Variants in ANO3 observed in about 807,000 individuals in gnomAD.
ANO3 encodes anoctamin-3.
A neutral mutation model predicts 144.8 loss-of-function variants in ANO3; 99 were observed. That is an observed-to-expected ratio of 0.68 (90% CI 0.58 to 0.81). The LOEUF (loss-of-function observed/expected upper bound fraction) is 0.81. ANO3 is among the 30% of genes least tolerant of loss of function. The pLI is 0.00. For missense variants in ANO3, 905 were observed against 1,202.2 expected, an observed-to-expected ratio of 0.75 and a Z score of 3.66; for synonymous variants, 414 against 392.6, an observed-to-expected ratio of 1.05 and a Z score of -0.64.
chr11:26,334,610 G>T (rs562834861), intron 1 of ANO3, among the ~76,000 whole-genome samples: 1 of 152,292 alleles, frequency 6.6e-6, no homozygotes, highest in East Asian at 1.9e-4. Flanking sequence ...AACATGAACA[G>T]AATACATTCC....
At chr11:26,340,776 C>G (rs1461643959) in intron 1 of ANO3, among the ~76,000 whole-genome samples, 1 of 152,150 alleles carries the variant, frequency 6.6e-6, no homozygotes, top group Non-Finnish European at 1.5e-5. Context: ...GGAAATGTAA[C>G]TTTAGTGTTT....
intron 4 of ANO3, among the ~76,000 whole-genome samples, chr11:26,490,198 A>G (rs181279977): frequency 5.3e-5 from 8 of 152,168 alleles, no homozygotes; most frequent in Admixed American, 1.3e-4. Context: ...GTGAGATCTG[A>G]TGGGTTTATC....
chr11:26,647,507 C>A (rs970296879), intron 23 of ANO3, among the ~76,000 whole-genome samples: 4 of 152,138 alleles, frequency 2.6e-5, no homozygotes, highest in African/African-American at 9.7e-5. Flanking sequence ...TTGAATCTTT[C>A]TAGACGAGAT....
In ANO3 at chr11:26,663,074, A is replaced by G. The variant is rs1251364977; in HGVS notation, c.*2630A>G. 2.0e-5 allele frequency: 3 copies of G among 152,386 alleles called. No homozygotes were observed. The East Asian group carries it at 5.8e-4, about 30-fold the overall frequency. 9.4% of individuals were successfully genotyped at this position (152,386 alleles called of 1,614,324 possible). On this transcript the variant is annotated 3_prime_UTR_variant, in exon 27 of 27. Coordinates refer to ENST00000256737, the MANE Select transcript of ANO3 (RefSeq NM_031418.4). The stretch of plus-strand genomic sequence containing the variant: ...CCAAGCTGAAGAGCTTTCACTGTAC[A>G]ATGTGTGGAAAATCACCATAGATCA...
chr11:26,378,383 T>C (rs909320439), intron 1 of ANO3, among the ~76,000 whole-genome samples: 17 of 144,060 alleles, frequency 1.2e-4, no homozygotes, highest in African/African-American at 4.3e-4. Context: ...TATATATCTA[T>C]ATATAATCTA....
At chr11:26,606,681 C>G (rs1851945883) in intron 17 of ANO3, among the ~76,000 whole-genome samples, 1 of 151,830 alleles carries the variant, frequency 6.6e-6, no homozygotes, top group African/African-American at 2.4e-5. Flanking sequence ...TGAGATAGGT[C>G]TCCTGAATAT....
At chr11:26,237,675 C>T (rs1852564542) in intron 1 of ANO3, among the ~76,000 whole-genome samples, 1 of 151,862 alleles carries the variant, frequency 6.6e-6, no homozygotes, top group African/African-American at 2.4e-5. Flanking sequence ...GAACATTATT[C>T]CTTGACTCTT....
intron 5 of ANO3, chr11:26,508,794 A>T (rs926908883): frequency 6.6e-6 from 1 of 152,086 alleles, no homozygotes; most frequent in African/African-American, 2.4e-5. Flanking sequence ...TTAAAAAAAA[A>T]CTCACTATTT....
upstream of ANO3, among the ~76,000 whole-genome samples, chr11:26,327,939 A>G (rs1854928699): frequency 6.6e-6 from 1 of 152,168 alleles, no homozygotes; most frequent in Non-Finnish European, 1.5e-5. Flanking sequence ...TGTTTAACCC[A>G]TCATCACCTC....
chr11:26,248,228 C>T (rs1224918054), intron 1 of ANO3, among the ~76,000 whole-genome samples: 3 of 152,048 alleles, frequency 2.0e-5, no homozygotes, highest in Non-Finnish European at 4.4e-5. Flanking sequence ...GTTCCAACTA[C>T]TCGGGAGGCT....
intron 1 of ANO3, among the ~76,000 whole-genome samples, chr11:26,239,031 A>G (rs991274895): frequency 7.2e-6 from 1 of 138,952 alleles, no homozygotes; most frequent in Non-Finnish European, 1.6e-5. Flanking sequence ...TAATCTAAAT[A>G]TAAATATAAT....
chr11:26,594,555 C>G (rs1226384402), intron 14 of ANO3, among the ~76,000 whole-genome samples: 1 of 152,162 alleles, frequency 6.6e-6, no homozygotes, highest in Non-Finnish European at 1.5e-5. Context: ...TGCACTCTGA[C>G]TGGGCCAAAT....
At chr11:26,199,234 C>T (rs1300036860) in intron 1 of ANO3, among the ~76,000 whole-genome samples, 4 of 152,052 alleles carry the variant, frequency 2.6e-5, no homozygotes, top group Non-Finnish European at 4.4e-5. Context: ...GTTCCTGACT[C>T]CATATCCTTT....
chr11:26,462,751 T>C (rs1239230354), intron 3 of ANO3, among the ~76,000 whole-genome samples: 1 of 151,888 alleles, frequency 6.6e-6, no homozygotes, highest in Non-Finnish European at 1.5e-5. Flanking sequence ...TTTTCAAAAA[T>C]TTGAAGTACA....
chr11:26,563,061 T>A (rs1850355927), intron 14 of ANO3: 1 of 1,586,912 alleles, frequency 6.3e-7, no homozygotes, highest in Non-Finnish European at 8.6e-7. Flanking sequence ...AACATTGGCA[T>A]CCTCATTTAA....
At chr11:26,561,290 C>A in intron 14 of ANO3, 1 of 1,232,494 alleles carries the variant, frequency 8.1e-7, no homozygotes, top group Non-Finnish European at 1.1e-6. Flanking sequence ...TTCAGGCATC[C>A]ACCAAGTTAT....
At position 26,508,711 on chromosome 11, in the gene ANO3, T is replaced by C. The variant is rs996505912; in HGVS notation, c.591+449T>C. The C allele has an allele frequency of 2.6e-5, 4 of 155,488 alleles. No individual in the cohort carries two copies. In the Admixed American group the frequency reaches 2.6e-4, roughly 10 times the overall value. The allele number at this position is 155,488 out of a possible 1,614,324, so 9.6% of individuals were successfully genotyped here. A position where few individuals can be genotyped will look rare whatever the true frequency, so the allele number is the denominator to read the frequency against. Reference sequence around the variant, plus strand: ...ATTTTTTGTAGTGAAACAATAAAAGTAGCAAGACTCACTAGAAAAAAAATA... The same window carrying C: ...ATTTTTTGTAGTGAAACAATAAAAGCAGCAAGACTCACTAGAAAAAAAATA... On this transcript the variant is annotated intron_variant, in intron 5 of 26. Transcript: ENST00000256737.
At chr11:26,408,420 A>G (rs928958393) in intron 1 of ANO3, among the ~76,000 whole-genome samples, 12 of 152,036 alleles carry the variant, frequency 7.9e-5, no homozygotes, top group Non-Finnish European at 5.9e-5. Flanking sequence ...AAAAACCACA[A>G]TGAGATACCA....
In ANO3 at chr11:26,647,936, T is replaced by C. The variant is rs113220557; in HGVS notation, c.2576+80T>C. 1,373 of 1,380,814 alleles carry C rather than the reference T, an allele frequency of 9.9e-4. 11 individuals are homozygous for C. In the African/African-American group the frequency reaches 0.018, roughly 18 times the overall value. The allele number at this position is 1,380,814 out of a possible 1,614,324, so 85.5% of individuals were successfully genotyped here. A position where few individuals can be genotyped will look rare whatever the true frequency, so the allele number is the denominator to read the frequency against. Reference sequence around the variant, plus strand: ...AGGATCTTACTGGGAAGTTTTGTTCTGTGACCATTAAGGGTGGTGTTTCTA... The same window carrying C: ...AGGATCTTACTGGGAAGTTTTGTTCCGTGACCATTAAGGGTGGTGTTTCTA... On this transcript the variant is annotated intron_variant, in intron 24 of 26. Coordinates refer to ENST00000256737, the MANE Select transcript of ANO3 (RefSeq NM_031418.4).
Sources: allele counts gnomAD v4.1 joint callset (sites outside exome capture counted in the v4.1 genomes callset), GRCh38; gene constraint gnomAD v4.1.1; transcripts MANE v1.5; gene names NCBI Gene and HGNC (gene_info 2026-07-23, HGNC 2026-07-21).